SLCO1B1: variants seen among roughly 807,000 people sequenced by gnomAD.
SLCO1B1 encodes solute carrier organic anion transporter family member 1B1, also known as OATP-2.
Under a neutral mutation model 70.1 loss-of-function variants are expected in SLCO1B1, and 81 were observed. That is an observed-to-expected ratio of 1.16 (90% CI 0.97 to 1.39). The LOEUF is 1.39. Ranked by LOEUF, SLCO1B1 falls within the 40% of genes most tolerant of loss-of-function variation. The pLI, the probability that SLCO1B1 is intolerant of heterozygous loss-of-function variation, is 0.00. For synonymous variants in SLCO1B1, 283 were observed against 271.5 expected (o/e 1.04, Z -0.42); for missense variants, 895 against 799.6 (o/e 1.12, Z -1.44).
At chr12:21,154,543 T>G (rs992270393) in intron 2 of SLCO1B1, among the ~76,000 whole-genome samples, 1 of 152,152 alleles carries the variant, frequency 6.6e-6, no homozygotes, top group African/African-American at 2.4e-5. Context: ...CTGAGACATA[T>G]GTTCACATAC....
rs551766977 is a variant in SLCO1B1 at position 21,132,900 on chromosome 12, C to T, written c.-62+1664C>T. On this transcript the variant is annotated intron_variant, in intron 1 of 14. Coordinates refer to ENST00000256958, the MANE Select transcript of SLCO1B1 (RefSeq NM_006446.5). Reference sequence around the variant, plus strand: ...GCTTTTGGTGTTTTAGACATGAAGTCCTTGCCCATGCCTATGTCCTGAATG... The same window carrying T: ...GCTTTTGGTGTTTTAGACATGAAGTTCTTGCCCATGCCTATGTCCTGAATG... 8.5e-5 allele frequency among the ~76,000 whole-genome samples: 13 copies of T among 152,108 alleles called. No individual in the cohort carries two copies. The East Asian group carries it at 2.1e-3, about 25-fold the overall frequency.
chr12:21,149,078 C>T (rs1158222430), intron 2 of SLCO1B1, among the ~76,000 whole-genome samples: 27 of 152,028 alleles, frequency 1.8e-4, no homozygotes. Flanking sequence ...GATTTTGTAT[C>T]CTGAGACTTT....
intron 2 of SLCO1B1, among the ~76,000 whole-genome samples, chr12:21,155,702 G>A (rs1398168507): frequency 6.6e-6 from 1 of 152,150 alleles, no homozygotes; most frequent in East Asian, 1.9e-4. Flanking sequence ...GAGCCTCAAG[G>A]TGATGACCAG....
intron 11 of SLCO1B1, among the ~76,000 whole-genome samples, chr12:21,213,288 T>C (rs376921195): frequency 6.6e-6 from 1 of 152,220 alleles, no homozygotes; most frequent in Non-Finnish European, 1.5e-5. Context: ...AGCATTTGCT[T>C]GTCTGTAAAG....
chr12:21,165,497 G>A (rs1215460168), intron 2 of SLCO1B1, among the ~76,000 whole-genome samples: 2 of 151,988 alleles, frequency 1.3e-5, no homozygotes, highest in Non-Finnish European at 2.9e-5. Context: ...TTAGAACAAG[G>A]CAAGTGAAAG....
In SLCO1B1 at chr12:21,152,545, T is replaced by TTTTTTTTTTTTTTTTTTTTC. The variant is rs1940487472; in HGVS notation, c.84+10893_84+10894insTTTTTTTTTTTTTCTTTTTT. On this transcript the variant is annotated intron_variant, in intron 2 of 14. Coordinates refer to ENST00000256958, the MANE Select transcript of SLCO1B1 (RefSeq NM_006446.5). ...GGGAGAGGAGAGGCTTTTTTTTTTT[T>TTTTTTTTTTTTTTTTTTTTC]TTTTTTGCCTCTGGACTGTAACCTT... 1.4e-5 allele frequency among the ~76,000 whole-genome samples: 2 copies of TTTTTTTTTTTTTTTTTTTTC among 141,524 alleles called. 1 individual carries two copies. The highest frequency in any genetic ancestry group is 1.5e-4 in the Admixed American group (2 of 13,676). The allele number at this position is 141,524 out of a possible 152,430, so 92.8% of individuals were successfully genotyped here.
At chr12:21,176,658 T>C in intron 4 of SLCO1B1, 118 bp from the exon 5 acceptor site, 2 of 789,134 alleles carry the variant, frequency 2.5e-6, no homozygotes, top group African/African-American at 3.4e-5. Flanking sequence ...CAGAAAGTAC[T>C]CTGGTAATTT....
intron 5 of SLCO1B1, among the ~76,000 whole-genome samples, chr12:21,177,432 G>T (rs1220451815): frequency 6.6e-6 from 1 of 151,948 alleles, no homozygotes; most frequent in African/African-American, 2.4e-5. Context: ...ATCATTTAAA[G>T]ACTTTTTGCC....
rs78474337 is a variant in SLCO1B1 at position 21,217,111 on chromosome 12, C to T, written c.1498-8C>T. 79 of 1,610,764 alleles carry T rather than the reference C, an allele frequency of 4.9e-5. No homozygotes were observed. Among genetic ancestry groups the T allele is most frequent in the Admixed American group, 8.3e-5 (5 of 59,956 alleles). ...TTCTTATGTCATATTTTATACACAA[C>T]GCTTAAGGTGTTTTACAACTGCAGT... On this transcript the variant is annotated splice_polypyrimidine_tract_variant and splice_region_variant and intron_variant, in intron 11 of 14. Coordinates refer to ENST00000256958, the MANE Select transcript of SLCO1B1 (RefSeq NM_006446.5).
chr12:21,136,601 C>G (rs186463914), intron 1 of SLCO1B1, among the ~76,000 whole-genome samples: 2 of 152,286 alleles, frequency 1.3e-5, no homozygotes, highest in African/African-American at 4.8e-5. Flanking sequence ...TCACTGATAA[C>G]CTTTCTTCCA....
At chr12:21,151,116 A>C (rs531682317) in intron 2 of SLCO1B1, among the ~76,000 whole-genome samples, 48 of 152,196 alleles carry the variant, frequency 3.2e-4, no homozygotes, top group Admixed American at 1.6e-3. Context: ...GATGCTACCA[A>C]AACCTGTACA....
At chr12:21,182,520 T>C (rs2169969) in intron 7 of SLCO1B1, among the ~76,000 whole-genome samples, 18,573 of 152,172 alleles carry the variant, frequency 0.12, 1,521 homozygotes, top group Non-Finnish European at 0.18. Context: ...CACATCTGTA[T>C]TGTAGGCCCT....
chr12:21,156,551 A>T (rs1160796322), intron 2 of SLCO1B1, among the ~76,000 whole-genome samples: 1 of 152,174 alleles, frequency 6.6e-6, no homozygotes, highest in East Asian at 1.9e-4. Context: ...ACAATTGTTA[A>T]AGATAGAATT....
chr12:21,168,734 G>A (rs372872774), intron 2 of SLCO1B1, among the ~76,000 whole-genome samples: 1 of 152,062 alleles, frequency 6.6e-6, no homozygotes, highest in East Asian at 1.9e-4. Context: ...AAATTGGGTT[G>A]TTCTTTGTTG....
intron 2 of SLCO1B1, among the ~76,000 whole-genome samples, chr12:21,151,843 T>G (rs185772842): frequency 1.3e-5 from 2 of 152,234 alleles, no homozygotes; most frequent in African/African-American, 4.8e-5. Context: ...TTTTCTATAG[T>G]TTTAAAATGA....
chr12:21,141,184 A>G (rs984299535), intron 1 of SLCO1B1, among the ~76,000 whole-genome samples: 18 of 151,960 alleles, frequency 1.2e-4, no homozygotes, highest in African/African-American at 4.1e-4. Context: ...AAATTTTACA[A>G]TATAGGTGTG....
intron 14 of SLCO1B1, 27 bp from the exon 15 acceptor site, chr12:21,238,952 A>G (rs1670558875): frequency 2.9e-6 from 4 of 1,371,422 alleles, no homozygotes; most frequent in South Asian, 2.4e-5. Context: ...AAACTGATTT[A>G]TTGTTTTATT....
At chr12:21,205,807 CCTT>C in intron 10 of SLCO1B1, 58 bp from the exon 11 acceptor site, 1 of 1,238,176 alleles carries the variant, frequency 8.1e-7, no homozygotes, top group African/African-American at 1.5e-5. Context: ...CTTCTCCTCC[CCTT>C]CTTTGTCTTT....
At position 21,166,550 on chromosome 12, in the gene SLCO1B1, C is replaced by T. The variant is rs191635876; in HGVS notation, c.85-6100C>T. Among the ~76,000 whole-genome samples the T allele has an allele frequency of 2.8e-4, 43 of 152,158 alleles. No homozygotes were observed. In the East Asian group the frequency reaches 7.0e-3, roughly 25 times the overall value. ...GCATGTGGAAAAATGCTCCACATCC[C>T]GTCATTAGGGAATTGTAAATTAAAC... is the stretch of plus-strand genomic sequence containing the variant. On this transcript the variant is annotated intron_variant, in intron 2 of 14. Coordinates refer to ENST00000256958, the MANE Select transcript of SLCO1B1 (RefSeq NM_006446.5).
Sources: allele counts gnomAD v4.1 joint callset (sites outside exome capture counted in the v4.1 genomes callset), GRCh38; gene constraint gnomAD v4.1.1; transcripts MANE v1.5; gene names NCBI Gene and HGNC (gene_info 2026-07-23, HGNC 2026-07-21).